Variants in NBDY observed in about 807,000 individuals in gnomAD.
The protein encoded by NBDY is negative regulator of P-body association.
At chrX:56,735,219 C>A (rs1423146187) in intron 2 of NBDY, among the ~76,000 whole-genome samples, 1 of 112,329 alleles carries the variant, frequency 8.9e-6, no homozygotes, top group African/African-American at 3.2e-5. Flanking sequence ...ACTAGATCTA[C>A]TTTCTTAGTC....
intron 2 of NBDY, among the ~76,000 whole-genome samples, chrX:56,752,585 T>C (rs766426230): frequency 5.2e-4 from 58 of 111,393 alleles, no homozygotes; most frequent in African/African-American, 1.8e-3. Flanking sequence ...AAGGCAAGAC[T>C]TCAACAACTC....
intron 2 of NBDY, among the ~76,000 whole-genome samples, chrX:56,805,505 G>T (rs2069844445): frequency 8.9e-6 from 1 of 112,202 alleles, no homozygotes; most frequent in African/African-American, 3.2e-5. Context: ...TCAGCTTCCA[G>T]GTTCTCTTTT....
chrX:56,793,953 G>A (rs1385173179), intron 2 of NBDY, among the ~76,000 whole-genome samples: 1 of 111,994 alleles, frequency 8.9e-6, no homozygotes, highest in East Asian at 2.8e-4. Context: ...CCCCCCAAGG[G>A]CACCTCGGAG....
At chrX:56,732,924 C>T (rs1194852770) in intron 2 of NBDY, among the ~76,000 whole-genome samples, 3 of 110,793 alleles carry the variant, frequency 2.7e-5, no homozygotes, top group African/African-American at 6.5e-5. Context: ...TTGCTTTCAT[C>T]GAGCCTCGTC....
chrX:56,744,052 C>A (rs1365009787), intron 2 of NBDY, among the ~76,000 whole-genome samples: 1 of 110,871 alleles, frequency 9.0e-6, no homozygotes, highest in African/African-American at 3.3e-5. Flanking sequence ...CAATTTTCTT[C>A]TTGGTTTCTT....
intron 2 of NBDY, among the ~76,000 whole-genome samples, chrX:56,788,560 C>A (rs1369515194): frequency 8.9e-6 from 1 of 111,858 alleles, no homozygotes; most frequent in East Asian, 2.8e-4. Context: ...CTTCCCCTGG[C>A]AGTTTCCAGG....
intron 2 of NBDY, among the ~76,000 whole-genome samples, chrX:56,813,655 C>T (rs2069897613): frequency 8.9e-6 from 1 of 111,938 alleles, no homozygotes. Flanking sequence ...CAAACTCTCC[C>T]ATACAGGCTC....
intron 2 of NBDY, among the ~76,000 whole-genome samples, chrX:56,791,485 G>A (rs1602663713): frequency 9.0e-6 from 1 of 111,573 alleles, no homozygotes; most frequent in East Asian, 2.8e-4. Flanking sequence ...CTTTGCAGTT[G>A]GCTGATGACA....
chrX:56,784,965 G>A (rs2069718631), intron 2 of NBDY, among the ~76,000 whole-genome samples: 1 of 112,268 alleles, frequency 8.9e-6, no homozygotes, highest in Non-Finnish European at 1.9e-5. Context: ...TATTGCAAAT[G>A]TTTTCTGTCT....
At chrX:56,805,150 C>T (rs1338941349) in intron 2 of NBDY, among the ~76,000 whole-genome samples, 2 of 112,137 alleles carry the variant, frequency 1.8e-5, no homozygotes, top group Admixed American at 1.9e-4. Flanking sequence ...AGGAATCACT[C>T]CCTTTCTGTC....
rs2069588767 is a variant in NBDY at position 56,752,132 on chromosome X, C to A, written c.*166+19933C>A. Among the ~76,000 whole-genome samples, 2 of 112,261 alleles carry A rather than the reference C, an allele frequency of 1.8e-5. 1 individual carries two copies. Among genetic ancestry groups the A allele is most frequent in the South Asian group, 7.4e-4 (2 of 2,693 alleles). ...ATGGGCACCTAGGTTGATTTAATGT[C>A]TTTGCTATTGTGAATAGTACAGTAG... On this transcript the variant is annotated intron_variant, in intron 2 of 2. Coordinates refer to ENST00000374922, the MANE Select transcript of NBDY (RefSeq NM_001348129.2).
chrX:56,783,356 T>G (rs1390039845), intron 2 of NBDY, among the ~76,000 whole-genome samples: 1 of 113,251 alleles, frequency 8.8e-6, no homozygotes, highest in Non-Finnish European at 1.9e-5. Flanking sequence ...GGGGCTTTCT[T>G]GCCCCACTGT....
intron 2 of NBDY, among the ~76,000 whole-genome samples, chrX:56,817,038 T>C (rs958827740): frequency 7.2e-5 from 8 of 111,677 alleles, no homozygotes; most frequent in Non-Finnish European, 7.5e-5. Flanking sequence ...CCTGTACTTT[T>C]TGGGGGAGAA....
intron 2 of NBDY, among the ~76,000 whole-genome samples, chrX:56,744,384 G>T (rs1179081849): frequency 9.0e-6 from 1 of 111,413 alleles, no homozygotes; most frequent in African/African-American, 3.3e-5. Flanking sequence ...TTTCTTTGTT[G>T]ATTTTCTGTT....
At chrX:56,796,110 C>T (rs1421191190) in intron 2 of NBDY, among the ~76,000 whole-genome samples, 1 of 111,861 alleles carries the variant, frequency 8.9e-6, no homozygotes, top group Non-Finnish European at 1.9e-5. Context: ...TTTCTTGTCC[C>T]TTTCTGTCTG....
At chrX:56,756,083 T>C (rs1186410229) in intron 2 of NBDY, among the ~76,000 whole-genome samples, 1 of 95,456 alleles carries the variant, frequency 1.0e-5, no homozygotes, top group Admixed American at 1.3e-4. Context: ...TAGGTGGGAA[T>C]TGAACAATGA....
At chrX:56,730,415 G>T (rs759030303) in intron 1 of NBDY, among the ~76,000 whole-genome samples, 6 of 100,637 alleles carry the variant, frequency 6.0e-5, no homozygotes, top group Non-Finnish European at 8.0e-5. Context: ...GGAGGCTAAG[G>T]CAGGACAATC....
chrX:56,813,952 TGATTC>T (rs1311947932), intron 2 of NBDY, among the ~76,000 whole-genome samples: 3 of 112,181 alleles, frequency 2.7e-5, no homozygotes, highest in Middle Eastern at 4.6e-3. Flanking sequence ...CTTCTCAGTC[TGATTC>T]TTTTGTCTTT....
At chrX:56,729,935 T>C (rs2146709067) in intron 1 of NBDY, among the ~76,000 whole-genome samples, 1 of 110,055 alleles carries the variant, frequency 9.1e-6, no homozygotes, top group South Asian at 3.9e-4. Flanking sequence ...GGGTGATGTA[T>C]ATGTAGGGAT....
Sources: gnomAD v4.1 joint callset for allele counts (sites outside exome capture counted in the v4.1 genomes callset) on GRCh38, gnomAD v4.1.1 for gene constraint, MANE v1.5 for transcripts, NCBI Gene and HGNC (gene_info 2026-07-23, HGNC 2026-07-21) for gene names.